The following ITLN2 variants were observed in gnomAD, a reference collection of about 807,000 sequenced individuals.
ITLN2 encodes intelectin-2.
A neutral mutation model predicts 39.4 loss-of-function variants in ITLN2; 29 were observed. The observed-to-expected ratio is 0.74, with a 90% CI of 0.55 to 1.00. ITLN2 has a LOEUF of 1.00. ITLN2 is among the 50% of genes least tolerant of loss of function. The pLI, the probability that ITLN2 is intolerant of heterozygous loss-of-function variation, is 0.00. For synonymous variants in ITLN2, 156 were observed against 153.4 expected, an observed-to-expected ratio of 1.02 and a Z score of -0.12; for missense variants, 412 against 416.7, an observed-to-expected ratio of 0.99 and a Z score of 0.10.
At chr1:160,946,580 G>A (rs950085959) in intron 7 of ITLN2, among the ~76,000 whole-genome samples, 1 of 151,158 alleles carries the variant, frequency 6.6e-6, no homozygotes, top group Non-Finnish European at 1.5e-5. Flanking sequence ...GGGCGTGGTG[G>A]TGGGCCCCTG....
At chr1:160,945,507 A>G (rs1671581485) in intron 7 of ITLN2, among the ~76,000 whole-genome samples, 1 of 152,202 alleles carries the variant, frequency 6.6e-6, no homozygotes, top group Non-Finnish European at 1.5e-5. Flanking sequence ...GCACTAATGG[A>G]CAGTCTGAGG....
At position 160,951,418 on chromosome 1, in the gene ITLN2, C is replaced by T. The variant is rs790060; in HGVS notation, c.194-128G>A. ...ACTCCAACACATACTTGCTGGAAGA[C>T]GATGCTCCATGCATCTTGTGTTCTG... On this transcript the variant is annotated intron_variant, in intron 3 of 7. Transcript: ENST00000368029. 4,550 of 1,261,154 alleles carry T rather than the reference C, an allele frequency of 3.6e-3. 133 individuals carry two copies. The African/African-American group carries it at 0.059, about 16-fold the overall frequency. The allele number at this position is 1,261,154 out of a possible 1,614,324, so 78.1% of individuals were successfully genotyped here.
rs773163484 is a variant in ITLN2 at position 160,950,754 on chromosome 1, C to T, written c.442-43G>A. On this transcript the variant is annotated intron_variant, in intron 4 of 7. Transcript: ENST00000368029. The stretch of plus-strand genomic sequence containing the variant: ...CTGAGCCTGACTGGGCCAGGAGGTA[C>T]CAGGAGGCAGAAGGTCCACATGTGC... The T allele has an allele frequency of 3.2e-6, 5 of 1,584,294 alleles. No individual in the cohort carries two copies. In the East Asian group the frequency reaches 1.1e-4, roughly 35 times the overall value.
chr1:160,950,284 T>C, intron 5 of ITLN2, 118 bp from the exon 6 acceptor site: 1 of 1,126,052 alleles, frequency 8.9e-7, no homozygotes, highest in Non-Finnish European at 1.3e-6. Context: ...TAATAGTGAC[T>C]GCTTTTCCCC....
intron 3 of ITLN2, chr1:160,951,588 C>T: frequency 6.5e-6 from 2 of 308,684 alleles, no homozygotes; most frequent in Non-Finnish European, 1.2e-5. Context: ...CAGAAATCAG[C>T]ACACGCCACA....
intron 3 of ITLN2, among the ~76,000 whole-genome samples, chr1:160,951,918 G>T (rs1180128504): frequency 1.3e-5 from 2 of 152,158 alleles, no homozygotes; most frequent in Non-Finnish European, 2.9e-5. Flanking sequence ...TGTCATAACT[G>T]TGTCATCATC....
chr1:160,953,840 A>C (rs915702168), intron 2 of ITLN2, among the ~76,000 whole-genome samples: 1 of 152,194 alleles, frequency 6.6e-6, no homozygotes, highest in East Asian at 1.9e-4. Flanking sequence ...ACTTCTTTAT[A>C]CGCATGGAGA....
intron 4 of ITLN2, 55 bp from the exon 5 acceptor site, chr1:160,950,766 A>G (rs1407067260): frequency 3.8e-6 from 6 of 1,577,848 alleles, no homozygotes; most frequent in Non-Finnish European, 5.2e-6. Context: ...AGGAGGCAGA[A>G]GGTCCACATG....
At chr1:160,952,796 A>T in intron 2 of ITLN2, 63 bp from the exon 3 acceptor site, 1 of 1,191,372 alleles carries the variant, frequency 8.4e-7, no homozygotes, top group Non-Finnish European at 1.2e-6. Flanking sequence ...TTCCTGGCCA[A>T]TCTCTGCCCC....
Position 160,945,214 on chromosome 1 carries a change from C to T in ITLN2, c.904G>A (p.Gly302Arg). The T allele has an allele frequency of 6.2e-7, 1 of 1,607,920 alleles. No individual in the cohort carries two copies. The highest frequency in any genetic ancestry group is 1.1e-5 in the South Asian group (1 of 89,986). ...CTGCTCTTAACGTGAGTTCCATATCCATCCCAGTCAAAGGCGGAGAAGTCC... is the reference window on the plus strand; with the variant it reads ...CTGCTCTTAACGTGAGTTCCATATCTATCCCAGTCAAAGGCGGAGAAGTCC... ...CGDFSAFDWD[G>R]YGTHVKSSCS... The change falls in exon 8 of 8, where the codon GGA becomes AGA. Residue 302 changes from glycine to arginine, a missense_variant. Coordinates refer to ENST00000368029, the MANE Select transcript of ITLN2 (RefSeq NM_080878.3).
At position 160,951,095 on chromosome 1, in the gene ITLN2, G is replaced by A. The variant is rs2101939693; in HGVS notation, c.389C>T (p.Ala130Val). The change falls in exon 4 of 8, where the codon GCC becomes GTC. Residue 130 changes from alanine to valine, a missense_variant. By Grantham distance (64) the Ala-to-Val change is moderately conservative. Coordinates refer to ENST00000368029, the MANE Select transcript of ITLN2 (RefSeq NM_080878.3). ...TGCAGATCCAAAGGTGTTGTAGTTG[G>A]CCCAGTTGCCATCCCCCTCTGGGTA... Reference protein sequence around the residue: ...ADYPEGDGNWANYNTFGSAEA... With the variant: ...ADYPEGDGNWVNYNTFGSAEA... 1 of 1,614,162 alleles carries A rather than the reference G, an allele frequency of 6.2e-7. No homozygotes were observed. The highest frequency in any genetic ancestry group is 2.2e-5 in the East Asian group (1 of 44,880).
intron 3 of ITLN2, 68 bp downstream of exon 3, chr1:160,952,552 C>A: frequency 9.1e-7 from 1 of 1,093,324 alleles, no homozygotes; most frequent in Non-Finnish European, 1.4e-6. Flanking sequence ...TCCTGATTTC[C>A]ATGACTGGGC....
At position 160,952,633 on chromosome 1, in the gene ITLN2, G is replaced by A. The variant is rs1420856870; in HGVS notation, c.180C>T (p.Cys60=). The part of the protein sequence containing the change: ...PRSCKEIKER[C]HSAGDGLYFL... ...TTCATTACTCACCACCTGCACTATG[G>A]CAGCGTTCCTTGATTTCTTTGCAGC... is the stretch of plus-strand genomic sequence containing the variant. The change falls in exon 3 of 8, where the codon TGC becomes TGT. Residue 60 remains cysteine (C), a synonymous_variant. Transcript: ENST00000368029. The A allele has an allele frequency of 6.2e-7, 1 of 1,612,674 alleles. No individual in the cohort carries two copies. Among genetic ancestry groups the A allele is most frequent in the Non-Finnish European group, 8.5e-7 (1 of 1,178,782 alleles).
chr1:160,947,604 G>A (rs1285631058), intron 7 of ITLN2, among the ~76,000 whole-genome samples: 1 of 152,162 alleles, frequency 6.6e-6, no homozygotes, highest in Non-Finnish European at 1.5e-5. Flanking sequence ...GCGGCTTTCC[G>A]CAGTGCATTG....
At chr1:160,945,704 C>T (rs1010661366) in intron 7 of ITLN2, among the ~76,000 whole-genome samples, 9 of 152,188 alleles carry the variant, frequency 5.9e-5, no homozygotes, top group South Asian at 4.1e-4. Context: ...AAGATGGAAC[C>T]GTGAGTTCAG....
In ITLN2 at chr1:160,945,097, G is replaced by A; in HGVS notation, c.*43C>T. On this transcript the variant is annotated 3_prime_UTR_variant, in exon 8 of 8. Transcript: ENST00000368029. ...AGTTTTTCCGTCTCCAAATAGCCGGGGTTGGAAGATGGGTTCTCGCCCTGA... is the reference window on the plus strand; with the variant it reads ...AGTTTTTCCGTCTCCAAATAGCCGGAGTTGGAAGATGGGTTCTCGCCCTGA... The A allele has an allele frequency of 6.6e-7, 1 of 1,519,382 alleles. No homozygotes were observed. Among genetic ancestry groups the A allele is most frequent in the South Asian group, 1.3e-5 (1 of 75,982 alleles). The allele number at this position is 1,519,382 out of a possible 1,614,324, so 94.1% of individuals were successfully genotyped here.
intron 1 of ITLN2, 80 bp from the exon 2 acceptor site, chr1:160,954,530 G>A (rs1557875974): frequency 1.5e-6 from 2 of 1,309,450 alleles, no homozygotes; most frequent in East Asian, 4.9e-5. Context: ...TAACCTTTCT[G>A]AGTCAGGAAT....
At chr1:160,951,581 A>G (rs371470122) in intron 3 of ITLN2, 68 of 323,898 alleles carry the variant, frequency 2.1e-4, no homozygotes, top group African/African-American at 1.3e-3. Context: ...GAGAGGCCAG[A>G]AATCAGCACA....
chr1:160,951,881 C>A (rs746928516), intron 3 of ITLN2, among the ~76,000 whole-genome samples: 1 of 152,340 alleles, frequency 6.6e-6, no homozygotes, highest in African/African-American at 2.4e-5. Flanking sequence ...CCCTTCCCAT[C>A]TTTCGTGGAG....
Sources: gnomAD v4.1 joint callset for allele counts (sites outside exome capture counted in the v4.1 genomes callset) on GRCh38, gnomAD v4.1.1 for gene constraint, MANE v1.5 for transcripts, NCBI Gene and HGNC (gene_info 2026-07-23, HGNC 2026-07-21) for gene names.